Variants in FRZB observed in about 807,000 individuals in gnomAD.
The protein encoded by FRZB is frizzled related protein.
FRZB carries 34 observed loss-of-function variants against 32.5 expected under a neutral mutation model. That is an observed-to-expected ratio of 1.05 (90% confidence interval 0.80 to 1.39). The LOEUF is 1.39. FRZB is among the 40% of genes most tolerant of loss of function. The pLI is 0.00. For synonymous variants in FRZB, 170 were observed against 159.2 expected, an observed-to-expected ratio of 1.07 and a Z score of -0.51; for missense variants, 423 against 424.8, an observed-to-expected ratio of 1.00 and a Z score of 0.04.
chr2:182,858,016 G>T (rs183750403), intron 2 of FRZB, among the ~76,000 whole-genome samples: 1 of 152,090 alleles, frequency 6.6e-6, no homozygotes. Context: ...CCAAGGGCTC[G>T]CAAAGATATA....
At position 182,834,928 on chromosome 2, in the gene FRZB, T is replaced by C. The variant is rs199520134; in HGVS notation, c.899A>G (p.Lys300Arg). 1.7e-5 allele frequency: 27 copies of C among 1,613,286 alleles called. No homozygotes were observed. The highest frequency in any genetic ancestry group is 1.6e-4 in the Middle Eastern group (1 of 6,078). The change falls in exon 6 of 6, where the codon AAA becomes AGA. Residue 300 changes from lysine to arginine, a missense_variant. Lys to Arg is a conservative substitution (Grantham distance 26). Transcript: ENST00000295113. Reference sequence around the variant, plus strand: ...GGAATCACTATTGCTAGAATCACTTTTACTGAGTCCAAGATGACGAAGCTT... The same window carrying C: ...GGAATCACTATTGCTAGAATCACTTCTACTGAGTCCAAGATGACGAAGCTT... ...DMKLRHLGLS[K>R]SDSSNSDSTQ...
chr2:182,866,254 A>G lies in FRZB; in HGVS notation c.299T>C (p.Phe100Ser), dbSNP rs112909447. The G allele has an allele frequency of 6.2e-7, 1 of 1,613,990 alleles. No individual in the cohort carries two copies. Among genetic ancestry groups the G allele is most frequent in the Non-Finnish European group, 8.5e-7 (1 of 1,180,024 alleles). The change falls in exon 1 of 6, where the codon TTC (phenylalanine) becomes TCC (serine). Residue 100 changes from phenylalanine (F) to serine (S), a missense_variant. Transcript: ENST00000295113. This position sits in a 1 kb window ranked among gnomAD's most constrained non-coding sequence, Gnocchi z 4.5. ...AMYAPICTID[F>S]QHEPIKPCKS... The stretch of plus-strand genomic sequence containing the variant: ...ACAGGGCTTGATGGGCTCGTGCTGG[A>G]AGTCAATGGTGCAGATGGGCGCGTA...
At chr2:182,852,850 C>T (rs1695725089) in intron 2 of FRZB, among the ~76,000 whole-genome samples, 1 of 152,032 alleles carries the variant, frequency 6.6e-6, no homozygotes, top group Non-Finnish European at 1.5e-5. Context: ...TGTTCAGAGT[C>T]ATTATCTCAA....
chr2:182,844,732 T>C (rs1356149849), intron 2 of FRZB, among the ~76,000 whole-genome samples: 1 of 152,176 alleles, frequency 6.6e-6, no homozygotes, highest in Non-Finnish European at 1.5e-5. Context: ...TTTTAAATTA[T>C]ATTACAAAAT....
intron 2 of FRZB, among the ~76,000 whole-genome samples, chr2:182,845,394 T>A (rs995193975): frequency 6.6e-6 from 1 of 152,180 alleles, no homozygotes; most frequent in African/African-American, 2.4e-5. Flanking sequence ...TTGCTAGTAA[T>A]CTTCCTCTCC....
At chr2:182,845,886 AC>A (rs1281129233) in intron 2 of FRZB, among the ~76,000 whole-genome samples, 1 of 152,234 alleles carries the variant, frequency 6.6e-6, no homozygotes, top group Non-Finnish European at 1.5e-5. Flanking sequence ...TTTCATAGAA[AC>A]ATGAGTTTAT....
chr2:182,858,679 TG>T, intron 2 of FRZB, 106 bp downstream of exon 2: 1 of 721,650 alleles, frequency 1.4e-6, no homozygotes, highest in Non-Finnish European at 2.3e-6. Flanking sequence ...AAAGTTTACT[TG>T]TAAAATGTAG....
At chr2:182,843,255 G>A (rs904288124) in intron 2 of FRZB, among the ~76,000 whole-genome samples, 3 of 152,140 alleles carry the variant, frequency 2.0e-5, no homozygotes, top group Admixed American at 2.0e-4. Context: ...AAAAGGAGTT[G>A]TGGTTTTGGC....
chr2:182,859,590 A>G (rs1345234064), intron 1 of FRZB, among the ~76,000 whole-genome samples: 1 of 152,190 alleles, frequency 6.6e-6, no homozygotes, highest in Non-Finnish European at 1.5e-5. Context: ...TTACATTTGT[A>G]GTAACACTTT....
Position 182,856,710 on chromosome 2 carries a change from A to G in FRZB, c.526+2076T>C, listed in dbSNP as rs573330484. 3.3e-5 allele frequency among the ~76,000 whole-genome samples: 5 copies of G among 152,254 alleles called. No homozygotes were observed. In the South Asian group the frequency reaches 1.0e-3, roughly 32 times the overall value. On this transcript the variant is annotated intron_variant, in intron 2 of 5. Coordinates refer to ENST00000295113, the MANE Select transcript of FRZB (RefSeq NM_001463.4). ...AAAAAATATAATTTAGAGCAGAGAA[A>G]ATTACCAAGGATAAAAGGACACTAC...
chr2:182,839,055 T>G (rs1695558952), intron 3 of FRZB, among the ~76,000 whole-genome samples: 1 of 152,130 alleles, frequency 6.6e-6, no homozygotes, highest in Non-Finnish European at 1.5e-5. Context: ...ATATGCTTTA[T>G]TCCTTGTCGA....
intron 2 of FRZB, among the ~76,000 whole-genome samples, chr2:182,852,714 A>G (rs180990883): frequency 2.7e-4 from 41 of 152,348 alleles, no homozygotes; most frequent in African/African-American, 9.6e-4. Context: ...CTGATTTGAT[A>G]GATCAAGTGA....
intron 2 of FRZB, among the ~76,000 whole-genome samples, chr2:182,847,309 A>T (rs1217704090): frequency 6.6e-6 from 1 of 152,216 alleles, no homozygotes. Flanking sequence ...CAGGAACTAC[A>T]TCTTTATATA....
At chr2:182,839,988 T>C (rs890733649) in intron 3 of FRZB, among the ~76,000 whole-genome samples, 1 of 152,074 alleles carries the variant, frequency 6.6e-6, no homozygotes, top group Non-Finnish European at 1.5e-5. Flanking sequence ...AATGTTCCAA[T>C]TTCGTCACAA....
intron 1 of FRZB, among the ~76,000 whole-genome samples, chr2:182,859,834 A>G (rs1184068858): frequency 4.6e-5 from 7 of 152,218 alleles, no homozygotes; most frequent in Non-Finnish European, 8.8e-5. Context: ...CAAACAGATA[A>G]GCAAGTAACA....
At position 182,858,675 on chromosome 2, in the gene FRZB, T is replaced by A. The variant is rs1026193605; in HGVS notation, c.526+111A>T. On this transcript the variant is annotated intron_variant, in intron 2 of 5. Transcript: ENST00000295113. ...ATAAATGAGGGAATTTTAAAAAGTT[T>A]ACTTGTAAAATGTAGGGCACAAGCT... 5.7e-6 allele frequency: 4 copies of A among 700,538 alleles called. No individual in the cohort carries two copies. In the South Asian group the frequency reaches 7.6e-5, roughly 13 times the overall value. The allele number at this position is 700,538 out of a possible 1,614,324, so 43.4% of individuals were successfully genotyped here.
At chr2:182,846,410 T>G (rs1425845592) in intron 2 of FRZB, among the ~76,000 whole-genome samples, 1 of 152,184 alleles carries the variant, frequency 6.6e-6, no homozygotes, top group Admixed American at 6.5e-5. Flanking sequence ...AGGACTACTA[T>G]GTTTGAGTGG....
At chr2:182,845,572 T>C (rs1384324571) in intron 2 of FRZB, among the ~76,000 whole-genome samples, 2 of 152,006 alleles carry the variant, frequency 1.3e-5, no homozygotes, top group African/African-American at 4.8e-5. Flanking sequence ...GAAAAAAAAA[T>C]ACTTTAAAAG....
intron 3 of FRZB, among the ~76,000 whole-genome samples, chr2:182,841,986 C>T (rs1322387229): frequency 3.3e-5 from 5 of 152,168 alleles, no homozygotes; most frequent in South Asian, 2.1e-4. Flanking sequence ...ACATTTCCTT[C>T]GCTGAATACC....
Sources: gnomAD v4.1 joint callset for allele counts (sites outside exome capture counted in the v4.1 genomes callset) on GRCh38, gnomAD v4.1.1 for gene constraint, Gnocchi (gnomAD v3.1) non-coding constraint, MANE v1.5 for transcripts, NCBI Gene and HGNC (gene_info 2026-07-23, HGNC 2026-07-21) for gene names.